DAPK2: variants seen among roughly 807,000 people sequenced by gnomAD.
DAPK2 encodes death-associated protein kinase 2.
DAPK2 carries 35 observed loss-of-function variants against 44.1 expected under a neutral mutation model. The ratio of observed to expected loss-of-function variants is 0.79; its 90% CI spans 0.61 to 1.05. The LOEUF (loss-of-function observed/expected upper bound fraction) is 1.05. Ranked by LOEUF, DAPK2 falls within the 50% of genes least tolerant of loss-of-function variation. The pLI is 0.00. For synonymous variants in DAPK2, 174 were observed against 182.6 expected, an observed-to-expected ratio of 0.95 and a Z score of 0.38; for missense variants, 453 against 483.2, an observed-to-expected ratio of 0.94 and a Z score of 0.59.
intron 1 of DAPK2, among the ~76,000 whole-genome samples, chr15:64,031,466 C>T (rs896601033): frequency 1.3e-5 from 2 of 152,198 alleles, no homozygotes; most frequent in African/African-American, 4.8e-5. Flanking sequence ...CTCCTGGGCT[C>T]AAGCAATCCT....
At chr15:64,014,182 G>T (rs2079461527) in intron 1 of DAPK2, among the ~76,000 whole-genome samples, 1 of 152,212 alleles carries the variant, frequency 6.6e-6, no homozygotes, top group Non-Finnish European at 1.5e-5. Flanking sequence ...TGCAGTTTGG[G>T]TTTTTAGGAA....
chr15:63,915,825 G>C (rs577844177), intron 8 of DAPK2, among the ~76,000 whole-genome samples: 1 of 152,338 alleles, frequency 6.6e-6, no homozygotes, highest in African/African-American at 2.4e-5. Flanking sequence ...GTTGTTAAGA[G>C]CCCCACCAAA....
intron 1 of DAPK2, among the ~76,000 whole-genome samples, chr15:64,033,367 C>T (rs1202013057): frequency 6.6e-6 from 1 of 150,740 alleles, no homozygotes; most frequent in African/African-American, 2.4e-5. Flanking sequence ...ACCTGGTGAT[C>T]CACCCGCCTC....
At position 63,926,106 on chromosome 15, in the gene DAPK2, G is replaced by T. The variant is rs758380317; in HGVS notation, c.660-13C>A. The T allele has an allele frequency of 8.2e-6, 13 of 1,588,782 alleles. 1 individual carries two copies. The South Asian group carries it at 1.5e-4, about 18-fold the overall frequency. On this transcript the variant is annotated splice_polypyrimidine_tract_variant and intron_variant, in intron 6 of 10. Coordinates refer to ENST00000261891, the Ensembl canonical transcript of DAPK2. The stretch of plus-strand genomic sequence containing the variant: ...TGCTCCACTTAAGCTGAGTACGACA[G>T]ACAGGGAATCAAATAACTAAGGGAA...
At chr15:63,989,114 A>G (rs1372588001) in intron 1 of DAPK2, among the ~76,000 whole-genome samples, 2 of 147,168 alleles carry the variant, frequency 1.4e-5, no homozygotes, top group Non-Finnish European at 3.0e-5. Flanking sequence ...CAGGAGGCAG[A>G]GGTACCAGTG....
At chr15:63,954,834 A>G (rs2077680666) in intron 3 of DAPK2, among the ~76,000 whole-genome samples, 1 of 151,998 alleles carries the variant, frequency 6.6e-6, no homozygotes, top group African/African-American at 2.4e-5. Flanking sequence ...TTCTCTCATC[A>G]ATGTTTTATA....
At chr15:64,035,083 G>T (rs182062029) in intron 1 of DAPK2, among the ~76,000 whole-genome samples, 48 of 151,916 alleles carry the variant, frequency 3.2e-4, no homozygotes, top group African/African-American at 1.2e-3. Flanking sequence ...CAGGAGAATC[G>T]CTTGAACCCG....
intron 8 of DAPK2, chr15:63,922,996 C>T (rs2079124636): frequency 6.5e-7 from 1 of 1,535,932 alleles, no homozygotes; most frequent in Non-Finnish European, 8.7e-7. Context: ...TGTCTTCTCG[C>T]AGCAGCTTCT....
rs1468415003 is a variant in DAPK2, at chr15:63,912,148, A to G, written c.908T>C (p.Leu303Pro). The G allele has an allele frequency of 6.3e-7, 1 of 1,595,136 alleles. No individual in the cohort carries two copies. Among genetic ancestry groups the G allele is most frequent in the Non-Finnish European group, 8.5e-7 (1 of 1,172,426 alleles). Reference sequence around the variant, plus strand: ...GACATACTGCTTCCTGAAGTTCTCCAGATTGACCACAGACTCCCTGCGCAC... The same window carrying G: ...GACATACTGCTTCCTGAAGTTCTCCGGATTGACCACAGACTCCCTGCGCAC... The change falls in exon 9 of 11, where the codon CTG becomes CCG. Residue 303 changes from leucine (L) to proline (P), a missense_variant. By Grantham distance (98) the Leu-to-Pro change is moderately conservative. Coordinates refer to ENST00000261891, the Ensembl canonical transcript of DAPK2. The surrounding 1 kb of genome is among the most constrained non-coding windows in gnomAD (Gnocchi z 4.4).
intron 1 of DAPK2, among the ~76,000 whole-genome samples, chr15:63,984,073 C>T (rs6494459): frequency 0.039 from 5,959 of 152,174 alleles, 261 homozygotes; most frequent in African/African-American, 0.11. Context: ...AGCTAGAACC[C>T]AAGTCTAGGA....
At chr15:63,922,733 G>A (rs895193435) in intron 8 of DAPK2, 51 of 1,513,456 alleles carry the variant, frequency 3.4e-5, no homozygotes, top group Non-Finnish European at 4.1e-5. Flanking sequence ...GGATTCTGGC[G>A]ATTAGAGCTT....
chr15:63,969,208 T>C, intron 3 of DAPK2, among the ~76,000 whole-genome samples: 1 of 151,130 alleles, frequency 6.6e-6, no homozygotes, highest in East Asian at 1.9e-4. Context: ...TGCTTGAGCC[T>C]AGGAGTTGCA....
intron 2 of DAPK2, among the ~76,000 whole-genome samples, chr15:63,983,163 C>T (rs949361461): frequency 6.6e-6 from 1 of 152,194 alleles, no homozygotes; most frequent in Non-Finnish European, 1.5e-5. Context: ...TGACAGCCTC[C>T]CCTGGCCCCA....
At chr15:63,931,496 G>T (rs1285018515) in intron 4 of DAPK2, among the ~76,000 whole-genome samples, 4 of 152,216 alleles carry the variant, frequency 2.6e-5, no homozygotes, top group African/African-American at 9.7e-5. Flanking sequence ...GTGCTGGAAA[G>T]TGATGAAGAA....
chr15:64,041,838 C>T (rs1298234813), upstream of DAPK2, among the ~76,000 whole-genome samples: 1 of 152,204 alleles, frequency 6.6e-6, no homozygotes, highest in African/African-American at 2.4e-5. Flanking sequence ...ACCAAGATGC[C>T]GCCTGCCTCT....
intron 3 of DAPK2, among the ~76,000 whole-genome samples, chr15:63,964,471 C>T (rs1296460660): frequency 2.0e-5 from 3 of 152,084 alleles, no homozygotes; most frequent in African/African-American, 7.2e-5. Flanking sequence ...CTATAACCTT[C>T]CTGTACTTGA....
chr15:63,921,600 G>A (rs2079073557), intron 8 of DAPK2: 1 of 152,170 alleles, frequency 6.6e-6, no homozygotes, highest in Admixed American at 6.5e-5. Flanking sequence ...TCAAAGCTTT[G>A]GGTCATGAAA....
intron 1 of DAPK2, among the ~76,000 whole-genome samples, chr15:64,005,888 G>GCT (rs1237022703): frequency 6.6e-6 from 1 of 151,996 alleles, no homozygotes; most frequent in Non-Finnish European, 1.5e-5. Flanking sequence ...TTTTTAATTA[G>GCT]CTAGGCGTGT....
intron 1 of DAPK2, among the ~76,000 whole-genome samples, chr15:63,988,007 T>G (rs952300139): frequency 6.6e-6 from 1 of 152,196 alleles, no homozygotes; most frequent in African/African-American, 2.4e-5. Context: ...GTGGGAACTC[T>G]GTGCCTGAGA....
Sources: allele counts gnomAD v4.1 joint callset (sites outside exome capture counted in the v4.1 genomes callset), GRCh38; gene constraint gnomAD v4.1.1; non-coding constraint Gnocchi (gnomAD v3.1); transcripts MANE v1.5; gene names NCBI Gene and HGNC (gene_info 2026-07-23, HGNC 2026-07-21).